CTNNA2: variants seen among roughly 807,000 people sequenced by gnomAD.
CTNNA2 encodes catenin alpha 2.
Under a neutral mutation model 101.0 loss-of-function variants are expected in CTNNA2, and 42 were observed. That is an observed-to-expected ratio of 0.42 (90% CI 0.32 to 0.54). The LOEUF (loss-of-function observed/expected upper bound fraction) is 0.54, where lower values mean the gene tolerates loss of function less well. Among genes scored for constraint, CTNNA2 ranks in the 20% least tolerant of loss-of-function variants. CTNNA2 has a pLI of 0.14. For synonymous variants in CTNNA2, 450 were observed against 456.4 expected, an observed-to-expected ratio of 0.99 and a Z score of 0.18; for missense variants, 871 against 1,223.1, an observed-to-expected ratio of 0.71 and a Z score of 4.29.
At chr2:79,657,319 G>C (rs1511198) in intron 2 of CTNNA2, among the ~76,000 whole-genome samples, 35,171 of 151,676 alleles carry the variant, frequency 0.23, 4,506 homozygotes, top group East Asian at 0.5. Context: ...TGGCTCTGCA[G>C]TGATGAAGCA....
chr2:79,522,945 C>T (rs534571601), intron 1 of CTNNA2, among the ~76,000 whole-genome samples: 1 of 152,106 alleles, frequency 6.6e-6, no homozygotes, highest in Non-Finnish European at 1.5e-5. Flanking sequence ...GAAAAAGAGT[C>T]TGGAAAATAA....
At chr2:79,273,973 C>T (rs962446538) in intron 2 of CTNNA2, among the ~76,000 whole-genome samples, 1 of 151,996 alleles carries the variant, frequency 6.6e-6, no homozygotes, top group Non-Finnish European at 1.5e-5. Flanking sequence ...ACTCCTACTG[C>T]TTCTTTCTTG....
intron 7 of CTNNA2, among the ~76,000 whole-genome samples, chr2:80,171,866 G>C (rs919082102): frequency 2.0e-5 from 3 of 152,156 alleles, no homozygotes; most frequent in African/African-American, 7.2e-5. Context: ...GAAAAGTAAG[G>C]CTAGCAGGAG....
At chr2:79,672,688 G>A (rs913227549) in intron 2 of CTNNA2, among the ~76,000 whole-genome samples, 4 of 150,290 alleles carry the variant, frequency 2.7e-5, no homozygotes, top group African/African-American at 9.8e-5. Flanking sequence ...AATATTTTCC[G>A]ATGCAACATT....
At chr2:80,546,472 G>GT (rs958849179) in intron 11 of CTNNA2, among the ~76,000 whole-genome samples, 95 of 151,932 alleles carry the variant, frequency 6.3e-4, no homozygotes, top group African/African-American at 2.0e-3. Context: ...GTTTTGTTTT[G>GT]TTTTTTTTCC....
intron 9 of CTNNA2, among the ~76,000 whole-genome samples, chr2:80,505,650 T>G (rs1463232058): frequency 3.3e-5 from 5 of 152,204 alleles, no homozygotes; most frequent in Non-Finnish European, 5.9e-5. Context: ...ATATGTATAC[T>G]TCCAATATGG....
intron 2 of CTNNA2, among the ~76,000 whole-genome samples, chr2:79,214,664 G>C (rs193200266): frequency 1.3e-4 from 20 of 152,194 alleles, no homozygotes; most frequent in African/African-American, 4.8e-4. Context: ...TTGTGGGTAA[G>C]GTGGGGGGAT....
At chr2:80,037,472 C>G (rs929628072) in intron 7 of CTNNA2, among the ~76,000 whole-genome samples, 1 of 152,138 alleles carries the variant, frequency 6.6e-6, no homozygotes, top group Non-Finnish European at 1.5e-5. Flanking sequence ...AGTGATCCTT[C>G]TTTTGTTGAC....
intron 2 of CTNNA2, among the ~76,000 whole-genome samples, chr2:79,239,374 G>A (rs181145794): frequency 6.7e-4 from 102 of 152,130 alleles, no homozygotes; most frequent in African/African-American, 2.1e-3. Context: ...AAAAGATTTC[G>A]TATTTAATAA....
chr2:80,517,989 A>C (rs72823723), intron 9 of CTNNA2, among the ~76,000 whole-genome samples: 1 of 152,146 alleles, frequency 6.6e-6, no homozygotes. Flanking sequence ...CAAGTAAAAC[A>C]CCTTCAGGTG....
intron 7 of CTNNA2, among the ~76,000 whole-genome samples, chr2:80,157,649 G>A (rs1045335907): frequency 9.2e-5 from 14 of 151,966 alleles, no homozygotes; most frequent in Admixed American, 2.6e-4. Context: ...TTAGGTCAAG[G>A]GAAGGTAGTT....
chr2:80,058,643 G>A (rs115035915), intron 7 of CTNNA2, among the ~76,000 whole-genome samples: 2,766 of 152,238 alleles, frequency 0.018, 80 homozygotes, highest in African/African-American at 0.063. Context: ...CAGAGAAGTA[G>A]GATCTTGGGA....
At chr2:80,459,965 G>T (rs530275536) in intron 9 of CTNNA2, among the ~76,000 whole-genome samples, 1 of 152,154 alleles carries the variant, frequency 6.6e-6, no homozygotes, top group Non-Finnish European at 1.5e-5. Context: ...ACCTGTGGGG[G>T]GCACTGAGAC....
intron 4 of CTNNA2, among the ~76,000 whole-genome samples, chr2:79,439,280 C>T (rs188036485): frequency 8.2e-4 from 125 of 152,186 alleles, no homozygotes; most frequent in African/African-American, 3.0e-3. Context: ...ATGGGTAAAC[C>T]TTTTAAACAT....
intron 7 of CTNNA2, among the ~76,000 whole-genome samples, chr2:80,208,283 A>G (rs1267136222): frequency 1.3e-5 from 2 of 152,198 alleles, no homozygotes; most frequent in African/African-American, 4.8e-5. Context: ...GAGTGTTGAA[A>G]AATAACCTAG....
At chr2:79,338,245 C>CAAAA (rs59474388) in intron 3 of CTNNA2, among the ~76,000 whole-genome samples, 1 of 109,242 alleles carries the variant, frequency 9.2e-6, no homozygotes, top group Non-Finnish European at 1.8e-5. Flanking sequence ...GACTCCATCT[C>CAAAA]AAAAAAAAAA....
intron 2 of CTNNA2, among the ~76,000 whole-genome samples, chr2:79,734,763 C>G (rs1357006275): frequency 3.3e-5 from 5 of 151,808 alleles, no homozygotes; most frequent in Non-Finnish European, 5.9e-5. Context: ...GAAGTCAGTA[C>G]AAAAAGGAAA....
At chr2:79,525,189 T>C (rs1487183830) in intron 1 of CTNNA2, among the ~76,000 whole-genome samples, 1 of 151,980 alleles carries the variant, frequency 6.6e-6, no homozygotes, top group African/African-American at 2.4e-5. Context: ...ATTGATACAA[T>C]AGCCAGTACA....
rs1179003030 is a variant in CTNNA2, at chr2:80,619,041, G to GCT, written c.2431-34_2431-33dup. On this transcript the variant is annotated intron_variant, in intron 17 of 18. Transcript: ENST00000402739. ...AGGGTACTTTTTTTTTTTTTCTTTT[G>GCT]CTCTCTCTCTCATTCTCTCTTTTCT... 14 of 938,718 alleles carry GCT rather than the reference G, an allele frequency of 1.5e-5. No individual in the cohort carries two copies. The African/African-American group carries it at 1.6e-4, about 11-fold the overall frequency. The allele number at this position is 938,718 out of a possible 1,614,324, so 58.1% of individuals were successfully genotyped here.
Sources: gnomAD v4.1 joint callset for allele counts (sites outside exome capture counted in the v4.1 genomes callset) on GRCh38, gnomAD v4.1.1 for gene constraint, MANE v1.5 for transcripts, NCBI Gene and HGNC (gene_info 2026-07-23, HGNC 2026-07-21) for gene names.